COL21A1: variants seen among roughly 807,000 people sequenced by gnomAD.
The protein encoded by COL21A1 is collagen type XXI alpha 1 chain, also known as collagen alpha-1(XXI) chain.
COL21A1 carries 149 observed loss-of-function variants against 137.9 expected under a neutral mutation model. The observed-to-expected ratio is 1.08, with a 90% confidence interval of 0.95 to 1.24. The LOEUF (loss-of-function observed/expected upper bound fraction) is 1.24, where lower values mean the gene tolerates loss of function less well. COL21A1 is among the 50% of genes most tolerant of loss of function. The pLI is 0.00. For synonymous variants in COL21A1, 456 were observed against 391.5 expected (o/e 1.16, Z -1.95); for missense variants, 1,167 against 1,158.4 (o/e 1.01, Z -0.11).
chr6:56,174,213 C>T (rs1235785563), intron 3 of COL21A1, among the ~76,000 whole-genome samples: 4 of 151,284 alleles, frequency 2.6e-5, no homozygotes, highest in South Asian at 4.2e-4. Context: ...TAAATGCCTA[C>T]ATTAAAAAAG....
chr6:56,287,764 C>G lies in COL21A1; in HGVS notation c.-38-105108G>C, dbSNP rs192634470. 2.6e-5 allele frequency among the ~76,000 whole-genome samples: 4 copies of G among 152,166 alleles called. No individual in the cohort carries two copies. The East Asian group carries it at 7.7e-4, about 29-fold the overall frequency. On this transcript the variant is annotated intron_variant, in intron 1 of 28. Transcript: ENST00000370819. ...GATTTCTAATCAACTGACTTTGAGA[C>G]ATGGAGACTATACTGGATTATCCAG...
intron 1 of COL21A1, among the ~76,000 whole-genome samples, chr6:56,356,653 G>A (rs1324248984): frequency 6.6e-6 from 1 of 152,176 alleles, no homozygotes; most frequent in Non-Finnish European, 1.5e-5. Flanking sequence ...GGGAAAATTT[G>A]TTGACACATT....
At chr6:56,168,385 T>G in intron 5 of COL21A1, 88 bp from the exon 6 acceptor site, 1 of 1,148,884 alleles carries the variant, frequency 8.7e-7, no homozygotes, top group Non-Finnish European at 1.2e-6. Flanking sequence ...TCCTAACCAT[T>G]GCTGAGAAAC....
chr6:56,264,633 A>G (rs1003581824), intron 1 of COL21A1, among the ~76,000 whole-genome samples: 3 of 152,200 alleles, frequency 2.0e-5, no homozygotes, highest in African/African-American at 7.2e-5. Flanking sequence ...GAGATTTCCA[A>G]TAAAATGCCT....
At chr6:56,144,871 T>C (rs1774714154) in intron 10 of COL21A1, among the ~76,000 whole-genome samples, 1 of 152,220 alleles carries the variant, frequency 6.6e-6, no homozygotes, top group Non-Finnish European at 1.5e-5. Flanking sequence ...CTATGAGATT[T>C]TGGCTAAGTC....
chr6:56,320,993 A>G (rs1764851389), intron 1 of COL21A1, among the ~76,000 whole-genome samples: 1 of 152,174 alleles, frequency 6.6e-6, no homozygotes, highest in Non-Finnish European at 1.5e-5. Flanking sequence ...GATTCAATAT[A>G]TATTAATTGA....
Position 56,064,559 on chromosome 6 carries a change from G to C in COL21A1, c.2172+19C>G, listed in dbSNP as rs376158205. ...TGACTTGTTATTTCATTTTTTATCAGAAGAAAACCAAAAAATACCTGTTGC... is the reference window on the plus strand; with the variant it reads ...TGACTTGTTATTTCATTTTTTATCACAAGAAAACCAAAAAATACCTGTTGC... On this transcript the variant is annotated intron_variant, in intron 24 of 29. Transcript: ENST00000244728. The C allele has an allele frequency of 4.3e-5, 67 of 1,571,504 alleles. No individual in the cohort carries two copies. The highest frequency in any genetic ancestry group is 5.5e-5 in the Non-Finnish European group (63 of 1,151,022).
intron 1 of COL21A1, among the ~76,000 whole-genome samples, chr6:56,235,205 A>G (rs1781824082): frequency 6.6e-6 from 1 of 151,922 alleles, no homozygotes; most frequent in Non-Finnish European, 1.5e-5. Context: ...TGGGAGGCAA[A>G]AGGGAACAGA....
chr6:56,333,834 C>T (rs1428316440), intron 1 of COL21A1, among the ~76,000 whole-genome samples: 1 of 152,104 alleles, frequency 6.6e-6, no homozygotes, highest in Non-Finnish European at 1.5e-5. Flanking sequence ...GTATCTACTG[C>T]TGCTTTAATT....
At chr6:56,301,430 A>G (rs986409049) in intron 1 of COL21A1, among the ~76,000 whole-genome samples, 3 of 152,192 alleles carry the variant, frequency 2.0e-5, no homozygotes, top group Admixed American at 6.6e-5. Flanking sequence ...ATTTCTACCA[A>G]TACCTTGGTC....
rs1020010489 is a variant in COL21A1, at chr6:56,347,889, G to A, written c.-39+46082C>T. ...ACAAAACCCATTGATTCTATGTACAGGTAGCTGAGAAGTATTATAAGTTAA... is the reference window on the plus strand; with the variant it reads ...ACAAAACCCATTGATTCTATGTACAAGTAGCTGAGAAGTATTATAAGTTAA... On this transcript the variant is annotated intron_variant, in intron 1 of 28. Coordinates refer to the COL21A1 transcript ENST00000370819. Among the ~76,000 whole-genome samples, 10 of 151,968 alleles carry A rather than the reference G, an allele frequency of 6.6e-5. No individual in the cohort carries two copies. The East Asian group carries it at 1.9e-3, about 29-fold the overall frequency.
chr6:56,372,546 C>T (rs1167953102), intron 1 of COL21A1, among the ~76,000 whole-genome samples: 1 of 152,114 alleles, frequency 6.6e-6, no homozygotes, highest in Non-Finnish European at 1.5e-5. Context: ...AACACAGCAC[C>T]ATATAAGGCA....
At chr6:56,075,825 G>T (rs969114587) in intron 18 of COL21A1, among the ~76,000 whole-genome samples, 2 of 151,358 alleles carry the variant, frequency 1.3e-5, no homozygotes, top group African/African-American at 4.8e-5. Context: ...AAAATCAGGT[G>T]AAAAATTTTT....
intron 1 of COL21A1, among the ~76,000 whole-genome samples, chr6:56,192,993 A>G (rs1356701707): frequency 6.6e-6 from 1 of 152,242 alleles, no homozygotes; most frequent in Non-Finnish European, 1.5e-5. Context: ...GCCATAAAAA[A>G]GGATGAGTTC....
At chr6:56,110,928 C>A (rs575694917) in intron 16 of COL21A1, among the ~76,000 whole-genome samples, 28 of 152,026 alleles carry the variant, frequency 1.8e-4, no homozygotes, top group Non-Finnish European at 3.1e-4. Flanking sequence ...AGATGCTCTT[C>A]CCTCTAAGAT....
chr6:56,294,357 A>G (rs546533598), intron 1 of COL21A1, among the ~76,000 whole-genome samples: 1 of 152,230 alleles, frequency 6.6e-6, no homozygotes, highest in Non-Finnish European at 1.5e-5. Flanking sequence ...TACGGTGCAT[A>G]TAAAATACAT....
chr6:56,251,206 C>T (rs1241181483), upstream of COL21A1, among the ~76,000 whole-genome samples: 1 of 152,144 alleles, frequency 6.6e-6, no homozygotes, highest in Non-Finnish European at 1.5e-5. Context: ...TCCTCAATTC[C>T]CTGCTAAGGT....
At chr6:56,224,683 A>T (rs972877146) in intron 1 of COL21A1, among the ~76,000 whole-genome samples, 1 of 152,032 alleles carries the variant, frequency 6.6e-6, no homozygotes, top group Non-Finnish European at 1.5e-5. Context: ...CATCGACATT[A>T]TGGGCCGTTC....
At chr6:56,078,260 T>C (rs1343377489) in intron 17 of COL21A1, 1 of 454,852 alleles carries the variant, frequency 2.2e-6, no homozygotes, top group Non-Finnish European at 4.4e-6. Flanking sequence ...ATTTATTGCT[T>C]GCAGAAGAGT....
Sources: allele counts gnomAD v4.1 joint callset (sites outside exome capture counted in the v4.1 genomes callset), GRCh38; gene constraint gnomAD v4.1.1; transcripts MANE v1.5; gene names NCBI Gene and HGNC (gene_info 2026-07-23, HGNC 2026-07-21).